Variants in HS1BP3 observed in about 807,000 individuals in gnomAD.
HS1BP3 encodes HCLS1 binding protein 3.
HS1BP3 carries 32 observed loss-of-function variants against 33.5 expected under a neutral mutation model. That is an observed-to-expected ratio of 0.95 (90% CI 0.72 to 1.28). HS1BP3 has a LOEUF of 1.28. Ranked by LOEUF, HS1BP3 falls within the 50% of genes most tolerant of loss-of-function variation. The probability of loss-of-function intolerance (pLI) is 0.00; values close to 1 mark genes in which losing one functional copy is unlikely to be tolerated. For synonymous variants in HS1BP3, 187 were observed against 209.2 expected (o/e 0.89, Z 0.92); for missense variants, 486 against 502.3 (o/e 0.97, Z 0.31).
chr2:20,604,014 C>T (rs996293836), intron 2 of HS1BP3, among the ~76,000 whole-genome samples: 17 of 152,232 alleles, frequency 1.1e-4, no homozygotes, highest in African/African-American at 4.1e-4. Flanking sequence ...CCCAGAGGGC[C>T]CTCCAAGACC....
chr2:20,569,885 GGCAGGT>G lies in HS1BP3; in HGVS notation c.303-9376_303-9371del, dbSNP rs758245075. 1.7e-3 allele frequency among the ~76,000 whole-genome samples: 258 copies of G among 152,340 alleles called. 1 individual carries two copies. Among genetic ancestry groups the G allele is most frequent in the Middle Eastern group, 6.8e-3 (2 of 294 alleles). On this transcript the variant is annotated intron_variant, in intron 5 of 5. Transcript: ENST00000446825. ...CTCTCTCTACTTTCCAGAAAAGGCA[GGCAGGT>G]GCTGCTCCCCAGCCCCCAACAGTCT...
chr2:20,614,282 G>A (rs1487230521), downstream of HS1BP3, among the ~76,000 whole-genome samples: 1 of 152,222 alleles, frequency 6.6e-6, no homozygotes, highest in Non-Finnish European at 1.5e-5. Flanking sequence ...CCCCAGAACT[G>A]TGAGATAATA....
At chr2:20,628,100 C>A (rs1486067907) in intron 4 of HS1BP3, among the ~76,000 whole-genome samples, 1 of 152,162 alleles carries the variant, frequency 6.6e-6, no homozygotes, top group Non-Finnish European at 1.5e-5. Context: ...ATCTCCTGGC[C>A]GACTCCACTG....
chr2:20,617,095 A>G (rs1694444370), downstream of HS1BP3, among the ~76,000 whole-genome samples: 1 of 152,090 alleles, frequency 6.6e-6, no homozygotes, highest in Non-Finnish European at 1.5e-5. Flanking sequence ...CTCTGCTCCT[A>G]TGTCACTTGA....
At chr2:20,592,080 G>A (rs72782365), downstream of HS1BP3, among the ~76,000 whole-genome samples, 1 of 152,062 alleles carries the variant, frequency 6.6e-6, no homozygotes, top group Non-Finnish European at 1.5e-5. Context: ...TGGGGTGAAG[G>A]TTTCCAGGAG....
intron 4 of HS1BP3, among the ~76,000 whole-genome samples, chr2:20,630,911 T>C (rs1235063399): frequency 6.6e-6 from 1 of 152,196 alleles, no homozygotes; most frequent in Non-Finnish European, 1.5e-5. Context: ...GTGGGAATTG[T>C]TGGCCACCTC....
At position 20,618,766 on chromosome 2, in the gene HS1BP3, G is replaced by T; in HGVS notation, c.*221C>A. On this transcript the variant is annotated 3_prime_UTR_variant, in exon 7 of 7. Transcript: ENST00000304031. ...CGGGGAATAAGACACATTGGGCTCTGGCTCCTAGGGTGAGAGCCGCTCCCG... is the reference window on the plus strand; with the variant it reads ...CGGGGAATAAGACACATTGGGCTCTTGCTCCTAGGGTGAGAGCCGCTCCCG... The T allele has an allele frequency of 7.3e-7, 1 of 1,365,912 alleles. No individual in the cohort carries two copies. Among genetic ancestry groups the T allele is most frequent in the Non-Finnish European group, 9.4e-7 (1 of 1,063,726 alleles). 84.6% of individuals were successfully genotyped at this position (1,365,912 alleles called of 1,614,324 possible).
chr2:20,640,552 C>G (rs1435420581), intron 3 of HS1BP3: 2 of 436,282 alleles, frequency 4.6e-6, no homozygotes. Context: ...GGCAGGTCAC[C>G]AGCCAGGCTG....
intron 5 of HS1BP3, among the ~76,000 whole-genome samples, chr2:20,580,952 C>T (rs1477826297): frequency 6.6e-6 from 1 of 152,240 alleles, no homozygotes; most frequent in African/African-American, 2.4e-5. Flanking sequence ...CCCAAGGATA[C>T]CACTGCTGAA....
chr2:20,619,201 G>T lies in HS1BP3; in HGVS notation c.965C>A (p.Pro322His). Reference sequence around the variant, plus strand: ...GGGCTTAAGCTGGGGCTTGGGTTTGGGCTCAGCTCCCAGGTTCAGAATCTG... The same window carrying T: ...GGGCTTAAGCTGGGGCTTGGGTTTGTGCTCAGCTCCCAGGTTCAGAATCTG... ...LDQILNLGAE[P>H]KPKPQLKPKP... Residue 322 changes from proline (P) to histidine (H), a missense_variant, in exon 7 of 7, where the codon CCC becomes CAC. Transcript: ENST00000304031. 6.2e-7 allele frequency: 1 copy of T among 1,613,424 alleles called. No individual in the cohort carries two copies. Among genetic ancestry groups the T allele is most frequent in the Non-Finnish European group, 8.5e-7 (1 of 1,179,590 alleles).
chr2:20,620,882 A>G (rs1249677099), intron 6 of HS1BP3, among the ~76,000 whole-genome samples: 1 of 152,264 alleles, frequency 6.6e-6, no homozygotes, highest in African/African-American at 2.4e-5. Flanking sequence ...CCCCCAGCCC[A>G]GTCAGACAGG....
At position 20,600,058 on chromosome 2, in the gene HS1BP3, T is replaced by C. The variant is rs536531720; in HGVS notation, c.179-1793A>G. Among the ~76,000 whole-genome samples the C allele has an allele frequency of 1.3e-3, 192 of 152,270 alleles. 4 individuals carry two copies. In the South Asian group the frequency reaches 0.017, roughly 13 times the overall value. On this transcript the variant is annotated intron_variant, in intron 2 of 3. Transcript: ENST00000415264. ...TTTGGCCAAATCAGTTAAGCTTCCT[T>C]CCTGGGGAGAGTAATGCCAGGCCTC...
chr2:20,604,216 C>T (rs1336986740), intron 2 of HS1BP3, among the ~76,000 whole-genome samples: 1 of 152,236 alleles, frequency 6.6e-6, no homozygotes, highest in African/African-American at 2.4e-5. Context: ...TCTTTTGTCC[C>T]TGTTCCCCAT....
chr2:20,616,586 G>A (rs1443677454), downstream of HS1BP3, among the ~76,000 whole-genome samples: 2 of 152,204 alleles, frequency 1.3e-5, no homozygotes, highest in African/African-American at 2.4e-5. Flanking sequence ...GGTCTTGGCT[G>A]TGCAGTTACT....
chr2:20,573,820 G>A (rs1434359964), intron 5 of HS1BP3, among the ~76,000 whole-genome samples: 3 of 152,188 alleles, frequency 2.0e-5, no homozygotes, highest in South Asian at 4.1e-4. Flanking sequence ...TGCTGACCTC[G>A]AGGTAACTTC....
chr2:20,565,985 G>T (rs977927694), intron 5 of HS1BP3, among the ~76,000 whole-genome samples: 6 of 152,226 alleles, frequency 3.9e-5, no homozygotes, highest in Non-Finnish European at 8.8e-5. Context: ...TTCCTGGTAT[G>T]GTAGTTATGA....
At chr2:20,579,730 A>G (rs1006762452) in intron 5 of HS1BP3, among the ~76,000 whole-genome samples, 1 of 152,208 alleles carries the variant, frequency 6.6e-6, no homozygotes, top group Non-Finnish European at 1.5e-5. Context: ...TCCCTCCAGG[A>G]CCAGGGCCTG....
chr2:20,586,758 T>A (rs1263824298), intron 5 of HS1BP3: 4 of 152,214 alleles, frequency 2.6e-5, no homozygotes, highest in Admixed American at 1.3e-4. Context: ...AATAAATCCA[T>A]CAAAACCTTG....
At chr2:20,615,121 G>A (rs1217735104), downstream of HS1BP3, among the ~76,000 whole-genome samples, 1 of 152,230 alleles carries the variant, frequency 6.6e-6, no homozygotes, top group Non-Finnish European at 1.5e-5. Context: ...GTCCCTCTGT[G>A]AGGATCTAGC....
Sources: allele counts gnomAD v4.1 joint callset (sites outside exome capture counted in the v4.1 genomes callset), GRCh38; gene constraint gnomAD v4.1.1; transcripts MANE v1.5; gene names NCBI Gene and HGNC (gene_info 2026-07-23, HGNC 2026-07-21).